The following NRG3 variants were observed in gnomAD, a reference collection of about 807,000 sequenced individuals.
The protein encoded by NRG3 is pro-neuregulin-3, membrane-bound isoform.
A neutral mutation model predicts 66.9 loss-of-function variants in NRG3; 31 were observed. The observed-to-expected ratio is 0.46, with a 90% CI of 0.35 to 0.63. The LOEUF is 0.63. Ranked by LOEUF, NRG3 falls within the 20% of genes least tolerant of loss-of-function variation. The probability of loss-of-function intolerance (pLI) is 0.00; values close to 1 mark genes in which losing one functional copy is unlikely to be tolerated. For synonymous variants in NRG3, 393 were observed against 359.4 expected (o/e 1.09, Z -1.06); for missense variants, 910 against 878.9 (o/e 1.04, Z -0.45).
At chr10:82,855,282 T>C (rs1017743635) in intron 3 of NRG3, among the ~76,000 whole-genome samples, 6 of 152,192 alleles carry the variant, frequency 3.9e-5, no homozygotes, top group African/African-American at 1.4e-4. Flanking sequence ...CAAACACATA[T>C]ATAAACACAT....
intron 2 of NRG3, among the ~76,000 whole-genome samples, chr10:82,633,981 G>A (rs527762780): frequency 6.6e-6 from 1 of 152,282 alleles, no homozygotes; most frequent in African/African-American, 2.4e-5. Context: ...AGATTTTTAA[G>A]AAAGATATTA....
intron 2 of NRG3, among the ~76,000 whole-genome samples, chr10:82,389,895 C>A (rs911207429): frequency 1.4e-4 from 22 of 152,154 alleles, no homozygotes; most frequent in Non-Finnish European, 1.0e-4. Flanking sequence ...AAAGTTAATT[C>A]TGTCAGAAAT....
chr10:82,128,143 A>T (rs922993893), intron 1 of NRG3, among the ~76,000 whole-genome samples: 2 of 151,984 alleles, frequency 1.3e-5, no homozygotes, highest in Non-Finnish European at 1.5e-5. Context: ...CCAATGGAAG[A>T]TAAAATGTGT....
At chr10:82,927,993 T>C (rs1847179970) in intron 4 of NRG3, among the ~76,000 whole-genome samples, 1 of 152,204 alleles carries the variant, frequency 6.6e-6, no homozygotes, top group African/African-American at 2.4e-5. Context: ...CTCCATATCC[T>C]CTCCAGCATC....
intron 1 of NRG3, among the ~76,000 whole-genome samples, chr10:82,124,770 A>G (rs907550829): frequency 6.6e-6 from 1 of 151,884 alleles, no homozygotes; most frequent in Non-Finnish European, 1.5e-5. Flanking sequence ...TGCCAAATAT[A>G]TGTTTTCTAA....
intron 2 of NRG3, among the ~76,000 whole-genome samples, chr10:82,385,247 C>T (rs947991427): frequency 6.6e-6 from 1 of 151,802 alleles, no homozygotes; most frequent in Non-Finnish European, 1.5e-5. Flanking sequence ...AAGTTTTCTC[C>T]CGTTCTGTTT....
chr10:82,336,387 C>T (rs1390274630), intron 1 of NRG3, among the ~76,000 whole-genome samples: 1 of 152,098 alleles, frequency 6.6e-6, no homozygotes, highest in East Asian at 1.9e-4. Context: ...TGGCTTCCAC[C>T]ATCAGAGAGG....
chr10:82,283,731 G>T (rs975227252), intron 1 of NRG3, among the ~76,000 whole-genome samples: 14 of 152,124 alleles, frequency 9.2e-5, no homozygotes, highest in Middle Eastern at 3.2e-3. Context: ...CATGGAAGTA[G>T]CCTGTTGTGT....
intron 1 of NRG3, among the ~76,000 whole-genome samples, chr10:81,912,838 A>G (rs1271137586): frequency 1.3e-5 from 2 of 152,232 alleles, no homozygotes; most frequent in Admixed American, 1.3e-4. Context: ...GAGACAAGAT[A>G]GAAGGTGGGC....
At chr10:82,684,817 G>A (rs1018281058) in intron 2 of NRG3, among the ~76,000 whole-genome samples, 2 of 152,072 alleles carry the variant, frequency 1.3e-5, no homozygotes, top group South Asian at 2.1e-4. Context: ...AAGGTGTGGA[G>A]CAAGCAAAGG....
chr10:82,350,834 T>C (rs2083389041), intron 1 of NRG3, among the ~76,000 whole-genome samples: 2 of 152,032 alleles, frequency 1.3e-5, no homozygotes, highest in African/African-American at 4.8e-5. Flanking sequence ...GAAGACTCAA[T>C]GGAGTTTTAG....
intron 4 of NRG3, among the ~76,000 whole-genome samples, chr10:82,872,375 G>A (rs1480717903): frequency 6.6e-6 from 1 of 151,984 alleles, no homozygotes; most frequent in African/African-American, 2.4e-5. Flanking sequence ...GAAGAACACA[G>A]GGTCACAAGG....
intron 1 of NRG3, among the ~76,000 whole-genome samples, chr10:82,131,227 A>G (rs1338744487): frequency 6.6e-6 from 1 of 152,124 alleles, no homozygotes; most frequent in Non-Finnish European, 1.5e-5. Flanking sequence ...GTATATGGCA[A>G]GAGATAGGGG....
At chr10:82,421,159 C>A in intron 2 of NRG3, among the ~76,000 whole-genome samples, 1 of 152,060 alleles carries the variant, frequency 6.6e-6, no homozygotes, top group Admixed American at 6.6e-5. Flanking sequence ...ATGAGTGAAC[C>A]TTCACTAGGC....
intron 1 of NRG3, among the ~76,000 whole-genome samples, chr10:82,277,951 G>A (rs1217054731): frequency 6.6e-6 from 1 of 152,044 alleles, no homozygotes; most frequent in Non-Finnish European, 1.5e-5. Context: ...TAGACTTGAT[G>A]TTATGAAATG....
At chr10:82,294,916 T>C (rs572241520) in intron 1 of NRG3, among the ~76,000 whole-genome samples, 1 of 152,290 alleles carries the variant, frequency 6.6e-6, no homozygotes, top group African/African-American at 2.4e-5. Flanking sequence ...AGTTTCTGAA[T>C]ATGGTAAGTT....
At chr10:82,086,176 G>T (rs573162405) in intron 1 of NRG3, among the ~76,000 whole-genome samples, 1 of 152,212 alleles carries the variant, frequency 6.6e-6, no homozygotes, top group Non-Finnish European at 1.5e-5. Context: ...CAACTAGTGT[G>T]ACAGTAATAG....
chr10:82,416,297 T>C (rs1000467208), intron 2 of NRG3, among the ~76,000 whole-genome samples: 2 of 152,202 alleles, frequency 1.3e-5, no homozygotes. Flanking sequence ...AATTCCTGTT[T>C]GTATCAGGTG....
intron 1 of NRG3, among the ~76,000 whole-genome samples, chr10:82,305,635 A>T (rs1044746726): frequency 1.3e-5 from 2 of 151,858 alleles, no homozygotes; most frequent in Non-Finnish European, 2.9e-5. Context: ...GAGATATTTT[A>T]TCTTTTTGTT....
Sources: gnomAD v4.1 joint callset for allele counts (sites outside exome capture counted in the v4.1 genomes callset) on GRCh38, gnomAD v4.1.1 for gene constraint, MANE v1.5 for transcripts, NCBI Gene and HGNC (gene_info 2026-07-23, HGNC 2026-07-21) for gene names.